CWC27: variants seen among roughly 807,000 people sequenced by gnomAD.
CWC27 encodes the protein spliceosome-associated protein CWC27 homolog.
CWC27 carries 47 observed loss-of-function variants against 63.6 expected under a neutral mutation model. The observed-to-expected ratio is 0.74, with a 90% CI of 0.58 to 0.94. The LOEUF (loss-of-function observed/expected upper bound fraction) is 0.94, where lower values mean the gene tolerates loss of function less well. CWC27 is among the 40% of genes least tolerant of loss of function. The probability of loss-of-function intolerance (pLI) is 0.00; values close to 1 mark genes in which losing one functional copy is unlikely to be tolerated. For missense variants in CWC27, 495 were observed against 554.3 expected (o/e 0.89, Z 1.07); for synonymous variants, 175 against 179.8 (o/e 0.97, Z 0.22).
intron 10 of CWC27, among the ~76,000 whole-genome samples, chr5:64,837,354 G>A (rs957339292): frequency 6.6e-6 from 1 of 151,998 alleles, no homozygotes; most frequent in African/African-American, 2.4e-5. Context: ...AAGATGTTAA[G>A]CTCTTCAATA....
chr5:64,915,863 T>G (rs1460726206), intron 11 of CWC27, among the ~76,000 whole-genome samples: 1 of 152,206 alleles, frequency 6.6e-6, no homozygotes, highest in Non-Finnish European at 1.5e-5. Context: ...ACCTGTATCA[T>G]GGAGAGAGTG....
At chr5:64,847,914 T>A (rs1345027375) in intron 10 of CWC27, among the ~76,000 whole-genome samples, 2 of 148,760 alleles carry the variant, frequency 1.3e-5, no homozygotes, top group African/African-American at 2.5e-5. Flanking sequence ...AAAAAAAATA[T>A]CAAAAAAGAG....
intron 11 of CWC27, among the ~76,000 whole-genome samples, chr5:64,959,618 A>C (rs1352738711): frequency 6.6e-6 from 1 of 152,204 alleles, no homozygotes; most frequent in Non-Finnish European, 1.5e-5. Flanking sequence ...CCTTTATTTA[A>C]CAAGTGTCAG....
intron 13 of CWC27, among the ~76,000 whole-genome samples, chr5:64,984,033 A>G (rs983158427): frequency 6.6e-6 from 1 of 152,016 alleles, no homozygotes; most frequent in African/African-American, 2.4e-5. Flanking sequence ...GGGTTTCACC[A>G]TGTTGGTCAG....
intron 11 of CWC27, among the ~76,000 whole-genome samples, chr5:64,917,028 G>A (rs1747902814): frequency 6.6e-6 from 1 of 151,976 alleles, no homozygotes; most frequent in Admixed American, 6.6e-5. Flanking sequence ...GATTAATAGG[G>A]ATGTTGTCAC....
intron 11 of CWC27, among the ~76,000 whole-genome samples, chr5:64,898,635 A>T (rs572873685): frequency 6.6e-6 from 1 of 152,220 alleles, no homozygotes; most frequent in Non-Finnish European, 1.5e-5. Context: ...TATTAGCTAC[A>T]AAAGAAGTTG....
intron 13 of CWC27, among the ~76,000 whole-genome samples, chr5:65,002,129 C>G (rs551352963): frequency 3.3e-5 from 5 of 152,006 alleles, no homozygotes; most frequent in African/African-American, 1.2e-4. Context: ...TCTAAAGATC[C>G]TTTCTATTTC....
intron 11 of CWC27, among the ~76,000 whole-genome samples, chr5:64,923,876 C>T (rs1748050353): frequency 6.6e-6 from 1 of 152,038 alleles, no homozygotes; most frequent in Non-Finnish European, 1.5e-5. Flanking sequence ...TGAATCCCTA[C>T]TACTATTACT....
rs578121006 is a variant in CWC27, at chr5:64,932,710, T to C, written c.1043-38993T>C. 6.3e-4 allele frequency among the ~76,000 whole-genome samples: 96 copies of C among 152,334 alleles called. No individual in the cohort carries two copies. The South Asian group carries it at 9.3e-3, about 15-fold the overall frequency. ...TCTCTTCTTCACCTCTTCCCCAATC[T>C]GCCATTCCCAATTCTTTACTCTGTC... On this transcript the variant is annotated intron_variant, in intron 11 of 13. Coordinates refer to ENST00000381070, the MANE Select transcript of CWC27 (RefSeq NM_005869.4).
intron 10 of CWC27, among the ~76,000 whole-genome samples, chr5:64,805,892 A>G (rs1744651067): frequency 6.6e-6 from 1 of 152,152 alleles, no homozygotes; most frequent in Non-Finnish European, 1.5e-5. Context: ...TTCTTAAAAG[A>G]TTTCCTTGGC....
At chr5:64,934,157 G>T (rs935227728) in intron 11 of CWC27, among the ~76,000 whole-genome samples, 1 of 152,102 alleles carries the variant, frequency 6.6e-6, no homozygotes, top group Non-Finnish European at 1.5e-5. Context: ...GAACGTGCAG[G>T]TTTGTTACAT....
chr5:64,982,283 T>C (rs1749342509), intron 13 of CWC27, among the ~76,000 whole-genome samples: 2 of 152,172 alleles, frequency 1.3e-5, no homozygotes, highest in Admixed American at 6.5e-5. Flanking sequence ...TTTGTGTATA[T>C]AGTTTAATCA....
intron 11 of CWC27, among the ~76,000 whole-genome samples, chr5:64,918,111 G>A (rs1365765827): frequency 6.6e-6 from 1 of 152,034 alleles, no homozygotes; most frequent in Non-Finnish European, 1.5e-5. Context: ...AAGAGAGGAA[G>A]TGTCTTCAAA....
At chr5:64,819,359 A>G (rs1019138688) in intron 10 of CWC27, among the ~76,000 whole-genome samples, 2 of 152,080 alleles carry the variant, frequency 1.3e-5, no homozygotes, top group Non-Finnish European at 2.9e-5. Flanking sequence ...GTACCCCCGA[A>G]CCTAAAATAA....
At chr5:64,967,114 T>G (rs1226182405) in intron 11 of CWC27, among the ~76,000 whole-genome samples, 1 of 152,106 alleles carries the variant, frequency 6.6e-6, no homozygotes, top group East Asian at 1.9e-4. Flanking sequence ...TTCTAGTATA[T>G]CAGCCAGTCA....
chr5:64,962,592 T>C, intron 11 of CWC27, among the ~76,000 whole-genome samples: 1 of 152,182 alleles, frequency 6.6e-6, no homozygotes, highest in Non-Finnish European at 1.5e-5. Context: ...AAGACTCTTA[T>C]GAAAAAGCCA....
At chr5:64,885,073 G>T (rs1398005452) in intron 10 of CWC27, among the ~76,000 whole-genome samples, 1 of 152,064 alleles carries the variant, frequency 6.6e-6, no homozygotes, top group Admixed American at 6.6e-5. Flanking sequence ...AATTTTTTGT[G>T]TATGTCCATG....
chr5:64,816,267 G>A (rs1240952278), intron 10 of CWC27, among the ~76,000 whole-genome samples: 2 of 152,104 alleles, frequency 1.3e-5, no homozygotes, highest in African/African-American at 2.4e-5. Flanking sequence ...TAGAGGAAAT[G>A]GAAAGCCACG....
At chr5:64,928,964 CTT>C (rs373815261) in intron 11 of CWC27, among the ~76,000 whole-genome samples, 2 of 141,728 alleles carry the variant, frequency 1.4e-5, no homozygotes. Context: ...TAGGCTTTGT[CTT>C]TTTTTTTTTT....
Sources: allele counts gnomAD v4.1 joint callset (sites outside exome capture counted in the v4.1 genomes callset), GRCh38; gene constraint gnomAD v4.1.1; transcripts MANE v1.5; gene names NCBI Gene and HGNC (gene_info 2026-07-23, HGNC 2026-07-21).